The following DDX10 variants were observed in gnomAD, a reference collection of about 807,000 sequenced individuals.
The protein encoded by DDX10 is probable ATP-dependent RNA helicase DDX10.
DDX10 carries 74 observed loss-of-function variants against 104.3 expected under a neutral mutation model. The ratio of observed to expected loss-of-function variants is 0.71; its 90% CI spans 0.59 to 0.86. DDX10 has a LOEUF of 0.86. DDX10 is among the 40% of genes least tolerant of loss of function. The pLI, the probability that DDX10 is intolerant of heterozygous loss-of-function variation, is 0.00. For synonymous variants in DDX10, 351 were observed against 353.4 expected (o/e 0.99, Z 0.08); for missense variants, 952 against 1,040.0 (o/e 0.92, Z 1.16).
chr11:108,738,210 C>T lies in DDX10; in HGVS notation c.1965+14748C>T, dbSNP rs561775493. 1.1e-4 allele frequency among the ~76,000 whole-genome samples: 17 copies of T among 149,036 alleles called. No individual in the cohort carries two copies. In the South Asian group the frequency reaches 2.3e-3, roughly 21 times the overall value. On this transcript the variant is annotated intron_variant, in intron 13 of 17. Coordinates refer to ENST00000322536, the MANE Select transcript of DDX10 (RefSeq NM_004398.4). ...AAGAGTAGGTAAATTACTATTAAAG[C>T]GCTGTATTTGTACTCCCTACTCAAA...
At chr11:108,678,510 A>G (rs978671498) in intron 5 of DDX10, 75 bp downstream of exon 5, 2 of 1,336,992 alleles carry the variant, frequency 1.5e-6, no homozygotes, top group Non-Finnish European at 9.9e-7. Context: ...CATTTTTATG[A>G]TAGAAATTTT....
intron 16 of DDX10, among the ~76,000 whole-genome samples, chr11:108,890,777 A>G (rs1439409668): frequency 1.3e-5 from 2 of 152,180 alleles, no homozygotes; most frequent in South Asian, 2.1e-4. Context: ...GGGTAAATAT[A>G]TTTAGAAATG....
intron 17 of DDX10, 52 bp from the exon 18 acceptor site, chr11:108,940,194 T>C (rs186728020): frequency 7.2e-5 from 113 of 1,561,866 alleles, no homozygotes; most frequent in Admixed American, 1.1e-4. Flanking sequence ...CTATTTTAAA[T>C]GTTTGATTTC....
chr11:108,865,447 C>T (rs766477812), intron 16 of DDX10, among the ~76,000 whole-genome samples: 5 of 152,084 alleles, frequency 3.3e-5, no homozygotes, highest in Non-Finnish European at 2.9e-5. Flanking sequence ...GTCACTTATT[C>T]TGTATAGTAT....
intron 6 of DDX10, among the ~76,000 whole-genome samples, chr11:108,682,051 G>GT (rs927454562): frequency 6.6e-6 from 1 of 151,870 alleles, no homozygotes; most frequent in African/African-American, 2.4e-5. Context: ...TACTCCCGGT[G>GT]TTTTTTCATT....
chr11:108,877,940 C>G (rs1565306489), intron 16 of DDX10, among the ~76,000 whole-genome samples: 1 of 152,306 alleles, frequency 6.6e-6, no homozygotes, highest in Non-Finnish European at 1.5e-5. Context: ...ATGGGGCTAG[C>G]AAATGTGTCT....
chr11:108,917,998 A>C lies in DDX10; in HGVS notation c.2430A>C (p.Glu810Asp). The C allele has an allele frequency of 6.2e-7, 1 of 1,613,796 alleles. No individual in the cohort carries two copies. Among genetic ancestry groups the C allele is most frequent in the South Asian group, 1.1e-5 (1 of 91,068 alleles). The change falls in exon 17 of 18, where the codon GAA becomes GAC. Residue 810 changes from glutamate (E) to aspartate (D), a missense_variant. Glu to Asp is a conservative substitution (Grantham distance 45). Around this residue, in one of 3 missense-constraint regions of DDX10, gnomAD observed 533 missense variants for 534.1 expected, o/e 1.00. Coordinates refer to ENST00000322536, the MANE Select transcript of DDX10 (RefSeq NM_004398.4). Reference protein sequence around the residue: ...KYRSSEDSDSEDMENKISDTK... With the variant: ...KYRSSEDSDSDDMENKISDTK... ...GAAGCTCTGAAGATTCAGATAGTGA[A>C]GATATGGAAAATAAAATAAGGTATG...
intron 16 of DDX10, among the ~76,000 whole-genome samples, chr11:108,862,302 G>A (rs976463570): frequency 2.0e-5 from 3 of 152,148 alleles, no homozygotes; most frequent in African/African-American, 4.8e-5. Context: ...GGGATTACAG[G>A]CATGAGACAA....
At chr11:108,717,435 G>A (rs905909523) in intron 11 of DDX10, among the ~76,000 whole-genome samples, 6 of 151,832 alleles carry the variant, frequency 4.0e-5, no homozygotes, top group Non-Finnish European at 7.4e-5. Flanking sequence ...TCAGCCTCCC[G>A]AGTAGCTGGG....
At chr11:108,915,205 TATC>T (rs766119200) in intron 16 of DDX10, among the ~76,000 whole-genome samples, 1 of 152,136 alleles carries the variant, frequency 6.6e-6, no homozygotes, top group Non-Finnish European at 1.5e-5. Context: ...TTCCTAGACA[TATC>T]ATGGTCAACT....
intron 13 of DDX10, among the ~76,000 whole-genome samples, chr11:108,829,222 G>A (rs1265129398): frequency 2.0e-5 from 3 of 152,136 alleles, no homozygotes; most frequent in Non-Finnish European, 4.4e-5. Context: ...CACCAACACT[G>A]TAAAAGTGTT....
chr11:108,686,463 T>C (rs1208452206), intron 6 of DDX10, among the ~76,000 whole-genome samples: 1 of 152,206 alleles, frequency 6.6e-6, no homozygotes, highest in Non-Finnish European at 1.5e-5. Flanking sequence ...CTTTTCAGAA[T>C]GTTGTATAGT....
chr11:108,786,195 C>T (rs906215909), intron 13 of DDX10, among the ~76,000 whole-genome samples: 1 of 152,024 alleles, frequency 6.6e-6, no homozygotes, highest in Non-Finnish European at 1.5e-5. Flanking sequence ...GTTTTTATTG[C>T]ACCGTGGTCT....
At chr11:108,767,219 A>G (rs1329418024) in intron 13 of DDX10, 1 of 152,216 alleles carries the variant, frequency 6.6e-6, no homozygotes, top group East Asian at 1.9e-4. Flanking sequence ...CATTGGGATT[A>G]CTTGTTTTAT....
intron 13 of DDX10, among the ~76,000 whole-genome samples, chr11:108,818,298 G>A (rs1432176071): frequency 6.6e-6 from 1 of 152,188 alleles, no homozygotes; most frequent in Non-Finnish European, 1.5e-5. Flanking sequence ...AAAATTAACT[G>A]TATAGTGTGC....
chr11:108,938,485 G>A (rs1015003188), intron 17 of DDX10, among the ~76,000 whole-genome samples: 2 of 152,226 alleles, frequency 1.3e-5, no homozygotes, highest in Non-Finnish European at 2.9e-5. Context: ...GCAAATACCA[G>A]TATTCCCTTG....
intron 10 of DDX10, 142 bp downstream of exon 10, chr11:108,706,979 C>A: frequency 1.5e-6 from 1 of 666,314 alleles, no homozygotes; most frequent in African/African-American, 1.8e-5. Flanking sequence ...CTTTTTAGAA[C>A]AGTTTTAGGT....
In DDX10 at chr11:108,927,231, C is replaced by T. The variant is rs193271761; in HGVS notation, c.2450+9213C>T. On this transcript the variant is annotated intron_variant, in intron 17 of 17. Transcript: ENST00000322536. ...GGGAGTGTGCTTTCTTCCAGCAGCC[C>T]CTTGTCCTTGCTTTTGTGAAATTTC... 2.5e-3 allele frequency among the ~76,000 whole-genome samples: 375 copies of T among 152,280 alleles called. 2 individuals are homozygous for T. The highest frequency in any genetic ancestry group is 8.3e-3 in the African/African-American group (344 of 41,554).
chr11:108,890,340 G>T (rs1455678557), intron 16 of DDX10, among the ~76,000 whole-genome samples: 1 of 152,170 alleles, frequency 6.6e-6, no homozygotes, highest in Non-Finnish European at 1.5e-5. Context: ...AGCTGAGAGA[G>T]AGACTTCTGC....
Sources: gnomAD v4.1 joint callset for allele counts (sites outside exome capture counted in the v4.1 genomes callset) on GRCh38, gnomAD v4.1.1 for gene constraint, gnomAD v4.1.1 regional missense constraint, MANE v1.5 for transcripts, NCBI Gene and HGNC (gene_info 2026-07-23, HGNC 2026-07-21) for gene names.